PDGFA: variants seen among roughly 807,000 people sequenced by gnomAD.
PDGFA encodes platelet derived growth factor subunit A.
In PDGFA, 9 loss-of-function variants were observed where a neutral mutation model predicts 25.6. That is an observed-to-expected ratio of 0.35 (90% CI 0.21 to 0.61). PDGFA has a LOEUF of 0.61. Ranked by LOEUF, PDGFA falls within the 20% of genes least tolerant of loss-of-function variation. PDGFA has a pLI of 0.75. For missense variants in PDGFA, 242 were observed against 272.8 expected (o/e 0.89, Z 0.79); for synonymous variants, 133 against 111.8 (o/e 1.19, Z -1.20).
chr7:514,936 G>A (rs374487976), intron 2 of PDGFA, among the ~76,000 whole-genome samples: 6 of 152,076 alleles, frequency 3.9e-5, no homozygotes, highest in East Asian at 1.9e-4. Flanking sequence ...CCCACTACCC[G>A]TGCTCCTCCA....
upstream of PDGFA, chr7:520,036 C>A (rs563200848): frequency 2.5e-6 from 1 of 397,646 alleles, no homozygotes. Context: ...CACACGCGCT[C>A]GCGCAAGCAG....
chr7:517,107 C>T lies in PDGFA; in HGVS notation c.160+287G>A, dbSNP rs896476070. Among the ~76,000 whole-genome samples, 3 of 151,584 alleles carry T rather than the reference C, an allele frequency of 2.0e-5. No homozygotes were observed. Among genetic ancestry groups the T allele is most frequent in the Admixed American group, 2.0e-4 (3 of 15,224 alleles). On this transcript the variant is annotated intron_variant, in intron 2 of 5. Transcript: ENST00000402802. The surrounding 1 kb of genome is among the most constrained non-coding windows in gnomAD (Gnocchi z 7.4). ...CCGGCCCGAGGGCAGGCGCGGGGCC[C>T]GCACACCTGGCGGAGGCCGCGGCTG...
chr7:510,589 G>A (rs1388572060), intron 4 of PDGFA, among the ~76,000 whole-genome samples: 2 of 80,558 alleles, frequency 2.5e-5, no homozygotes, highest in African/African-American at 1.0e-4. Context: ...GGGCTCGGGT[G>A]GGGAGGGGAG....
intron 2 of PDGFA, among the ~76,000 whole-genome samples, chr7:515,998 A>ACCC (rs201941171): frequency 1.0e-4 from 8 of 76,382 alleles, no homozygotes; most frequent in African/African-American, 4.2e-4. Flanking sequence ...TTCTGCTAGC[A>ACCC]CCCCCCCCCA....
At chr7:515,147 T>C (rs1160718112) in intron 2 of PDGFA, among the ~76,000 whole-genome samples, 2 of 152,172 alleles carry the variant, frequency 1.3e-5, no homozygotes, top group Non-Finnish European at 2.9e-5. Flanking sequence ...GCGTGGGCCT[T>C]AGAGGCACCT....
At chr7:518,555 T>G in intron 1 of PDGFA, 1 of 190,200 alleles carries the variant, frequency 5.3e-6, no homozygotes, top group Non-Finnish European at 1.1e-5. Context: ...CCCCTACCTA[T>G]TTATCCGCCG....
Position 517,513 on chromosome 7 carries a change from C to G in PDGFA, c.64-23G>C. On this transcript the variant is annotated intron_variant, in intron 1 of 5. Transcript: ENST00000402802. The surrounding 1 kb of genome is among the most constrained non-coding windows in gnomAD (Gnocchi z 7.4). ...TTCCTGCAAGCAGAGGCCACACGGT[C>G]AGCGCCCGCGGCCCCGACCCCGCCG... 1 of 1,180,302 alleles carries G rather than the reference C, an allele frequency of 8.5e-7. No individual in the cohort carries two copies. Among genetic ancestry groups the G allele is most frequent in the Non-Finnish European group, 1.1e-6 (1 of 928,892 alleles). The allele number at this position is 1,180,302 out of a possible 1,614,324, so 73.1% of individuals were successfully genotyped here. A position where few individuals can be genotyped will look rare whatever the true frequency, so the allele number is the denominator to read the frequency against.
At chr7:498,407 G>A (rs887475573) in exon 6 of PDGFA, 1 of 687,850 alleles carries the variant, frequency 1.5e-6, no homozygotes, top group Non-Finnish European at 2.6e-6. Context: ...TTAAACAAAT[G>A]TGCACTGTCT....
Position 517,355 on chromosome 7 carries a change from G to A in PDGFA, c.160+39C>T. Reference sequence around the variant, plus strand: ...CTCGGGGCGCACAGGCCGCCCGCCCGCGCCCTCCCCGCGCGCGGAGGGAAG... The same window carrying A: ...CTCGGGGCGCACAGGCCGCCCGCCCACGCCCTCCCCGCGCGCGGAGGGAAG... On this transcript the variant is annotated intron_variant, in intron 2 of 5. Transcript: ENST00000402802. This position sits in a 1 kb window ranked among gnomAD's most constrained non-coding sequence, Gnocchi z 7.4. 1.8e-6 allele frequency: 2 copies of A among 1,083,222 alleles called. No homozygotes were observed. The highest frequency in any genetic ancestry group is 1.2e-6 in the Non-Finnish European group (1 of 813,012). The allele number at this position is 1,083,222 out of a possible 1,614,324, so 67.1% of individuals were successfully genotyped here.
intron 2 of PDGFA, among the ~76,000 whole-genome samples, chr7:514,201 G>A (rs1782986253): frequency 1.3e-5 from 2 of 152,326 alleles, no homozygotes; most frequent in East Asian, 1.9e-4. Context: ...CTTCACATCC[G>A]AGGAAACTGA....
At chr7:510,218 G>A (rs1782738597) in intron 4 of PDGFA, among the ~76,000 whole-genome samples, 1 of 152,134 alleles carries the variant, frequency 6.6e-6, no homozygotes. Context: ...CGCCAGAGCA[G>A]CAGAGCAGAA....
At chr7:519,175 G>T (rs1337321963) in exon 1 of PDGFA, 15 of 476,774 alleles carry the variant, frequency 3.1e-5, no homozygotes, top group Non-Finnish European at 5.2e-5. Context: ...CAGTGAGTGC[G>T]GAGAGGCAGG....
upstream of PDGFA, among the ~76,000 whole-genome samples, chr7:519,689 CCGCCGCCCGGGGCCTCGCTG>C (rs1783283208): frequency 6.9e-6 from 1 of 145,888 alleles, no homozygotes; most frequent in African/African-American, 2.5e-5. Context: ...CAGCCACCAC[CCGCCGCCCGGGGCCTCGCTG>C]CGCCGCCCGC....
In PDGFA at chr7:511,328, A is replaced by G. The variant is rs13234434; in HGVS notation, c.266-332T>C. ...GAACTTAGTCCAGGTGGGGCCAGAGACTGGGGGTGGGGAGAGGGGAACCTA... is the reference window on the plus strand; with the variant it reads ...GAACTTAGTCCAGGTGGGGCCAGAGGCTGGGGGTGGGGAGAGGGGAACCTA... On this transcript the variant is annotated intron_variant, in intron 3 of 5. Transcript: ENST00000402802. Among the ~76,000 whole-genome samples, 533 of 76,418 alleles carry G rather than the reference A, an allele frequency of 7.0e-3. 21 individuals carry two copies. Among genetic ancestry groups the G allele is most frequent in the African/African-American group, 0.033 (318 of 9,692 alleles). 50.1% of individuals were successfully genotyped at this position (76,418 alleles called of 152,430 possible). A position where few individuals can be genotyped will look rare whatever the true frequency, so the allele number is the denominator to read the frequency against.
At chr7:512,666 G>C in intron 2 of PDGFA, 1 of 1,499,544 alleles carries the variant, frequency 6.7e-7, no homozygotes, top group Non-Finnish European at 8.9e-7. Context: ...ATGAAACACT[G>C]GAAACCGCAG....
At chr7:502,268 G>C (rs909918948) in intron 4 of PDGFA, among the ~76,000 whole-genome samples, 1 of 145,348 alleles carries the variant, frequency 6.9e-6, no homozygotes, top group African/African-American at 2.5e-5. Flanking sequence ...GGAATGGGGG[G>C]TTCGTGGCTG....
chr7:499,602 G>A (rs1427479541), intron 5 of PDGFA, among the ~76,000 whole-genome samples: 2 of 151,776 alleles, frequency 1.3e-5, no homozygotes, highest in East Asian at 1.9e-4. Context: ...GAAGCGACAT[G>A]TCTTGCTAGG....
rs535022672 is a variant in PDGFA, at chr7:499,453, C to G, written c.581-879G>C. Among the ~76,000 whole-genome samples, 16 of 152,328 alleles carry G rather than the reference C, an allele frequency of 1.1e-4. No homozygotes were observed. In the East Asian group the frequency reaches 3.1e-3, roughly 29 times the overall value. ...CTATTTGTTTTGGCCACCATGGAGT[C>G]CCACGTGCCAGGAGGGGGAACCAGG... On this transcript the variant is annotated intron_variant, in intron 5 of 5. Transcript: ENST00000402802.
chr7:512,990 C>T (rs1398200916), intron 2 of PDGFA: 3 of 211,888 alleles, frequency 1.4e-5, no homozygotes, highest in Non-Finnish European at 2.9e-5. Context: ...GAAGAAGTGG[C>T]CTAACCTCTG....
Sources: allele counts gnomAD v4.1 joint callset (sites outside exome capture counted in the v4.1 genomes callset), GRCh38; gene constraint gnomAD v4.1.1; non-coding constraint Gnocchi (gnomAD v3.1); transcripts MANE v1.5; gene names NCBI Gene and HGNC (gene_info 2026-07-23, HGNC 2026-07-21).